The following FHAD1 variants were observed in gnomAD, a reference collection of about 807,000 sequenced individuals.
FHAD1 encodes the protein forkhead associated phosphopeptide binding domain 1, also known as forkhead-associated domain-containing protein 1.
FHAD1 carries 146 observed loss-of-function variants against 191.3 expected under a neutral mutation model. The ratio of observed to expected loss-of-function variants is 0.76; its 90% confidence interval spans 0.67 to 0.88. FHAD1 has a LOEUF of 0.88. FHAD1 is among the 40% of genes least tolerant of loss of function. FHAD1 has a pLI of 0.00. For missense variants in FHAD1, 1,635 were observed against 1,785.8 expected, an observed-to-expected ratio of 0.92 and a Z score of 1.52; for synonymous variants, 616 against 672.3, an observed-to-expected ratio of 0.92 and a Z score of 1.29.
intron 6 of FHAD1, among the ~76,000 whole-genome samples, 156 bp from the exon 7 acceptor site, chr1:15,308,457 C>G (rs1160481015): frequency 1.3e-5 from 2 of 152,142 alleles, no homozygotes; most frequent in African/African-American, 4.8e-5. Flanking sequence ...ACAGGCCCTC[C>G]CCTGTCCCTT....
In FHAD1 at chr1:15,369,413, G is replaced by A; in HGVS notation, c.3358G>A (p.Glu1120Lys). 6.4e-7 allele frequency: 1 copy of A among 1,551,926 alleles called. No individual in the cohort carries two copies. The highest frequency in any genetic ancestry group is 8.7e-7 in the Non-Finnish European group (1 of 1,147,046). ...CAGACTCCAGCTGAACACAGAGAAG[G>A]AACAGAAGCCCCGGAAGAAGACCCA... ...KHRLQLNTEK[E>K]QKPRKKTQTC... Residue 1120 changes from glutamate to lysine, a missense_variant, in exon 26 of 34, where the codon GAA (glutamate) becomes AAA (lysine). Transcript: ENST00000688493.
At chr1:15,285,673 C>CA (rs770774274) in intron 3 of FHAD1, among the ~76,000 whole-genome samples, 3 of 152,144 alleles carry the variant, frequency 2.0e-5, no homozygotes, top group Non-Finnish European at 4.4e-5. Context: ...CTACAAGTGA[C>CA]AAAACCAGCT....
chr1:15,367,089 G>C (rs956607132), intron 24 of FHAD1, among the ~76,000 whole-genome samples: 1 of 152,110 alleles, frequency 6.6e-6, no homozygotes, highest in South Asian at 2.1e-4. Context: ...TGGGGTAGAG[G>C]CTACAATGCC....
intron 5 of FHAD1, among the ~76,000 whole-genome samples, chr1:15,299,132 C>T (rs974159789): frequency 7.5e-6 from 1 of 132,526 alleles, no homozygotes; most frequent in Non-Finnish European, 1.5e-5. Context: ...CCCAGGGGAT[C>T]AAGGCTGCAG....
intron 2 of FHAD1, among the ~76,000 whole-genome samples, chr1:15,265,936 A>C (rs1442012992): frequency 3.1e-5 from 4 of 130,518 alleles, no homozygotes; most frequent in African/African-American, 1.2e-4. Context: ...GCACCACTGC[A>C]CTCCAGCCTG....
intron 18 of FHAD1, among the ~76,000 whole-genome samples, chr1:15,348,619 A>G (rs1352210446): frequency 6.6e-6 from 1 of 152,216 alleles, no homozygotes; most frequent in Non-Finnish European, 1.5e-5. Flanking sequence ...GACTTATTTC[A>G]ATAATGGAAA....
chr1:15,257,375 A>G (rs1392323770), intron 2 of FHAD1, among the ~76,000 whole-genome samples: 1 of 152,148 alleles, frequency 6.6e-6, no homozygotes, highest in African/African-American at 2.4e-5. Flanking sequence ...CTATGCGTGA[A>G]CCCCTCAAGT....
chr1:15,382,334 C>T, intron 31 of FHAD1, 141 bp downstream of exon 31: 1 of 822,164 alleles, frequency 1.2e-6, no homozygotes, highest in Non-Finnish European at 1.9e-6. Context: ...ATAGCTTTTG[C>T]ATCAGACAGA....
At chr1:15,286,151 G>A (rs551686570) in intron 3 of FHAD1, among the ~76,000 whole-genome samples, 1 of 152,284 alleles carries the variant, frequency 6.6e-6, no homozygotes, top group Non-Finnish European at 1.5e-5. Flanking sequence ...TAAAAATACT[G>A]AACTGTACAC....
chr1:15,343,068 G>T (rs1687382876), intron 16 of FHAD1, among the ~76,000 whole-genome samples: 5 of 152,234 alleles, frequency 3.3e-5, no homozygotes, highest in African/African-American at 9.6e-5. Flanking sequence ...AAAGTTCTGG[G>T]ATTACAGGTA....
At position 15,316,499 on chromosome 1, in the gene FHAD1, C is replaced by T; in HGVS notation, c.1260+32C>T. The T allele has an allele frequency of 5.9e-6, 9 of 1,534,070 alleles. No homozygotes were observed. Among genetic ancestry groups the T allele is most frequent in the South Asian group, 4.8e-5 (4 of 83,556 alleles). On this transcript the variant is annotated intron_variant, in intron 9 of 33. Coordinates refer to ENST00000688493, the MANE Select transcript of FHAD1 (RefSeq NM_001391957.1). The surrounding 1 kb of genome is among the most constrained non-coding windows in gnomAD (Gnocchi z 4.3). ...TGAGCTTCCTCCTTTGTAGGTACCA[C>T]CAGAAAAAACAGAGTTTGACCTTGA...
At chr1:15,264,900 C>T (rs928391810) in intron 2 of FHAD1, among the ~76,000 whole-genome samples, 2 of 150,884 alleles carry the variant, frequency 1.3e-5, no homozygotes, top group Non-Finnish European at 3.0e-5. Flanking sequence ...TTGAATTTTG[C>T]CAAGTGCTTT....
rs1273150904 is a variant in FHAD1 at position 15,311,821 on chromosome 1, A to G, written c.1040-1236A>G. ...CATAAGTTATCCCAAAAAAGCAACA[A>G]ATATGTTTATCTTACCCGGTTTCTG... On this transcript the variant is annotated intron_variant, in intron 7 of 33. Coordinates refer to ENST00000688493, the MANE Select transcript of FHAD1 (RefSeq NM_001391957.1). The surrounding 1 kb of genome is among the most constrained non-coding windows in gnomAD (Gnocchi z 4.1). Among the ~76,000 whole-genome samples, 1 of 152,204 alleles carries G rather than the reference A, an allele frequency of 6.6e-6. No homozygotes were observed. The highest frequency in any genetic ancestry group is 1.5e-5 in the Non-Finnish European group (1 of 68,040).
intron 5 of FHAD1, among the ~76,000 whole-genome samples, chr1:15,298,388 G>C (rs1329430130): frequency 1.3e-5 from 2 of 152,208 alleles, no homozygotes; most frequent in East Asian, 3.8e-4. Context: ...AGAAGAGTGG[G>C]AGCAGGGCAA....
chr1:15,353,831 A>G (rs1262041834), intron 20 of FHAD1, among the ~76,000 whole-genome samples: 1 of 151,896 alleles, frequency 6.6e-6, no homozygotes, highest in Non-Finnish European at 1.5e-5. Context: ...AATTGTCATC[A>G]CCTTCATAAT....
chr1:15,240,839 C>T (rs1276812670), intron 1 of FHAD1, among the ~76,000 whole-genome samples: 1 of 151,556 alleles, frequency 6.6e-6, no homozygotes, highest in Admixed American at 6.6e-5. Context: ...TGCCTGTAGT[C>T]CCAGCTACTC....
intron 2 of FHAD1, among the ~76,000 whole-genome samples, chr1:15,253,006 C>T (rs74053815): frequency 0.11 from 16,612 of 152,036 alleles, 2,033 homozygotes; most frequent in African/African-American, 0.29. Context: ...CTTTTTTAAC[C>T]CTTCATTTTG....
chr1:15,392,326 A>T (rs1261565258), intron 33 of FHAD1, among the ~76,000 whole-genome samples: 1 of 152,140 alleles, frequency 6.6e-6, no homozygotes, highest in South Asian at 2.1e-4. Flanking sequence ...AGGTCAGGAG[A>T]TCGAGACCAT....
chr1:15,239,759 CCTT>C (rs1385257710), intron 1 of FHAD1, among the ~76,000 whole-genome samples: 2 of 152,170 alleles, frequency 1.3e-5, no homozygotes, highest in East Asian at 1.9e-4. Flanking sequence ...TGGTCAAACT[CCTT>C]CTGTAAGTAG....
Sources: gnomAD v4.1 joint callset for allele counts (sites outside exome capture counted in the v4.1 genomes callset) on GRCh38, gnomAD v4.1.1 for gene constraint, Gnocchi (gnomAD v3.1) non-coding constraint, MANE v1.5 for transcripts, NCBI Gene and HGNC (gene_info 2026-07-23, HGNC 2026-07-21) for gene names.